The following TBCK variants were observed in gnomAD, a reference collection of about 807,000 sequenced individuals.
TBCK encodes the protein TBC domain-containing protein kinase-like protein.
TBCK carries 99 observed loss-of-function variants against 113.4 expected under a neutral mutation model. The ratio of observed to expected loss-of-function variants is 0.87; its 90% confidence interval spans 0.74 to 1.03. The LOEUF is 1.03. Ranked by LOEUF, TBCK falls within the 50% of genes least tolerant of loss-of-function variation. The pLI is 0.00. For missense variants in TBCK, 1,045 were observed against 1,061.3 expected, an observed-to-expected ratio of 0.98 and a Z score of 0.21; for synonymous variants, 369 against 370.8, an observed-to-expected ratio of 1.00 and a Z score of 0.05.
intron 2 of TBCK, 49 bp from the exon 3 acceptor site, chr4:106,295,215 T>C (rs112727666): frequency 6.5e-7 from 1 of 1,534,078 alleles, no homozygotes; most frequent in Non-Finnish European, 9.0e-7. Context: ...ATACAACATG[T>C]TAAAAACAAA....
chr4:106,095,355 G>T, intron 25 of TBCK, 127 bp downstream of exon 25: 1 of 812,790 alleles, frequency 1.2e-6, no homozygotes, highest in Non-Finnish European at 1.8e-6. Context: ...TAAGAACACA[G>T]ACAAATCTTC....
chr4:106,257,617 T>C (rs72891700), intron 5 of TBCK, among the ~76,000 whole-genome samples: 4,087 of 152,186 alleles, frequency 0.027, 177 homozygotes, highest in African/African-American at 0.093. Flanking sequence ...TTCTCTCATA[T>C]ACAAATTCGT....
At chr4:106,084,592 C>T (rs989982801) in intron 25 of TBCK, among the ~76,000 whole-genome samples, 1 of 152,042 alleles carries the variant, frequency 6.6e-6, no homozygotes, top group Non-Finnish European at 1.5e-5. Context: ...GAGAACACCA[C>T]CGTTAAGATA....
chr4:106,059,467 T>C (rs1735794384), intron 25 of TBCK, among the ~76,000 whole-genome samples: 2 of 151,730 alleles, frequency 1.3e-5, no homozygotes, highest in South Asian at 2.1e-4. Context: ...TCTGTTATGA[T>C]GATCTGTGAT....
intron 3 of TBCK, among the ~76,000 whole-genome samples, chr4:106,269,269 A>G (rs1763265495): frequency 6.6e-6 from 1 of 152,196 alleles, no homozygotes; most frequent in Non-Finnish European, 1.5e-5. Flanking sequence ...CTATCTTCAA[A>G]GAAACTTTCC....
intron 15 of TBCK, 78 bp from the exon 16 acceptor site, chr4:106,233,728 C>T (rs2150000258): frequency 8.3e-7 from 1 of 1,206,528 alleles, no homozygotes; most frequent in South Asian, 1.4e-5. Flanking sequence ...CTATTTTTTA[C>T]AAATATCTAT....
intron 23 of TBCK, among the ~76,000 whole-genome samples, chr4:106,168,537 G>A (rs1750651724): frequency 1.3e-5 from 2 of 151,916 alleles, no homozygotes; most frequent in Admixed American, 6.6e-5. Context: ...TAATTGGCAA[G>A]GAAGAAATAA....
intron 23 of TBCK, among the ~76,000 whole-genome samples, chr4:106,133,977 T>G (rs1473611038): frequency 6.6e-6 from 1 of 151,570 alleles, no homozygotes. Context: ...GCCACTGCAC[T>G]CCAGCCTGGG....
At chr4:106,256,879 T>C (rs1462961650) in intron 5 of TBCK, among the ~76,000 whole-genome samples, 2 of 152,188 alleles carry the variant, frequency 1.3e-5, no homozygotes, top group African/African-American at 4.8e-5. Flanking sequence ...ATGCTATACA[T>C]GTTTGTTTTA....
intron 21 of TBCK, 29 bp downstream of exon 21, chr4:106,194,689 T>A (rs1249794026): frequency 1.3e-6 from 2 of 1,580,378 alleles, no homozygotes; most frequent in Admixed American, 3.6e-5. Flanking sequence ...TAATACAATA[T>A]CAAAAAAACC....
chr4:106,072,342 C>G (rs1055799214), intron 25 of TBCK, among the ~76,000 whole-genome samples: 1 of 152,188 alleles, frequency 6.6e-6, no homozygotes, highest in African/African-American at 2.4e-5. Flanking sequence ...TTTTATTTCT[C>G]CTTCACTTAT....
At chr4:106,123,648 G>C (rs202026098) in intron 23 of TBCK, among the ~76,000 whole-genome samples, 35,164 of 150,086 alleles carry the variant, frequency 0.23, 4,182 homozygotes, top group South Asian at 0.27. Context: ...GTAACCAAAA[G>C]AGAGATATAG....
intron 23 of TBCK, among the ~76,000 whole-genome samples, chr4:106,152,046 C>A (rs1367682524): frequency 6.6e-6 from 1 of 151,800 alleles, no homozygotes; most frequent in Non-Finnish European, 1.5e-5. Context: ...AATTTGACTT[C>A]TTTCTTTCTA....
intron 19 of TBCK, among the ~76,000 whole-genome samples, chr4:106,217,526 G>A (rs1383667360): frequency 4.6e-5 from 7 of 152,172 alleles, no homozygotes; most frequent in African/African-American, 1.4e-4. Context: ...AAAGTCTCAG[G>A]ATACAAAATC....
rs558273026 is a variant in TBCK at position 106,219,140 on chromosome 4, T to C, written c.1775-6305A>G. On this transcript the variant is annotated intron_variant, in intron 19 of 25. Coordinates refer to ENST00000394708, the MANE Select transcript of TBCK (RefSeq NM_001163435.3). The stretch of plus-strand genomic sequence containing the variant: ...CAAGAACAAAAAACCAAACACCGCA[T>C]ATTCTCACTCATAGGTGGGAATTGA... 4.8e-5 allele frequency among the ~76,000 whole-genome samples: 7 copies of C among 145,958 alleles called. No homozygotes were observed. The East Asian group carries it at 8.2e-4, about 17-fold the overall frequency.
intron 19 of TBCK, among the ~76,000 whole-genome samples, chr4:106,224,315 C>CT (rs11383334): frequency 0.98 from 147,615 of 150,180 alleles, 72,548 homozygotes; most frequent in South Asian, 1. Context: ...GTAATAATAA[C>CT]TTTTTTTTTT....
intron 1 of TBCK, among the ~76,000 whole-genome samples, chr4:106,314,973 A>G (rs2125911787): frequency 6.6e-6 from 1 of 152,322 alleles, no homozygotes. Context: ...TGAAAATAAA[A>G]TAACCAAATA....
At chr4:106,114,563 G>A (rs180790423) in intron 24 of TBCK, among the ~76,000 whole-genome samples, 1 of 152,262 alleles carries the variant, frequency 6.6e-6, no homozygotes, top group East Asian at 1.9e-4. Flanking sequence ...CCTGCTCGGG[G>A]TCTATAAGCA....
At chr4:106,145,579 T>C (rs1747686742) in intron 23 of TBCK, among the ~76,000 whole-genome samples, 1 of 152,174 alleles carries the variant, frequency 6.6e-6, no homozygotes, top group African/African-American at 2.4e-5. Flanking sequence ...TCCCAGTACA[T>C]ATAGAAGTTG....
Sources: gnomAD v4.1 joint callset for allele counts (sites outside exome capture counted in the v4.1 genomes callset) on GRCh38, gnomAD v4.1.1 for gene constraint, MANE v1.5 for transcripts, NCBI Gene and HGNC (gene_info 2026-07-23, HGNC 2026-07-21) for gene names.